Variants in ITIH5 observed in about 807,000 individuals in gnomAD.
ITIH5 encodes inter-alpha-trypsin inhibitor heavy chain 5.
ITIH5 carries 65 observed loss-of-function variants against 77.5 expected under a neutral mutation model. The ratio of observed to expected loss-of-function variants is 0.84; its 90% CI spans 0.69 to 1.03. The LOEUF is 1.03. ITIH5 is among the 50% of genes least tolerant of loss of function. The probability of loss-of-function intolerance (pLI) is 0.00; values close to 1 mark genes in which losing one functional copy is unlikely to be tolerated. For synonymous variants in ITIH5, 525 were observed against 494.3 expected, an observed-to-expected ratio of 1.06 and a Z score of -0.82; for missense variants, 1,208 against 1,213.1, an observed-to-expected ratio of 1.00 and a Z score of 0.06.
At position 7,575,902 on chromosome 10, in the gene ITIH5, A is replaced by T. The variant is rs537446374; in HGVS notation, c.1978+551T>A. Among the ~76,000 whole-genome samples the T allele has an allele frequency of 2.0e-5, 3 of 152,298 alleles. No homozygotes were observed. In the East Asian group the frequency reaches 5.8e-4, roughly 29 times the overall value. Reference sequence around the variant, plus strand: ...TGATGGACTGACTTCACTAGGTGACATTTCTGAACCAAATGCCACCTTTTT... The same window carrying T: ...TGATGGACTGACTTCACTAGGTGACTTTTCTGAACCAAATGCCACCTTTTT... On this transcript the variant is annotated intron_variant, in intron 10 of 13. Coordinates refer to ENST00000397146, the MANE Select transcript of ITIH5 (RefSeq NM_030569.7).
chr10:7,644,329 CAT>C (rs1353342140), intron 2 of ITIH5, among the ~76,000 whole-genome samples: 1 of 147,292 alleles, frequency 6.8e-6, no homozygotes, highest in Non-Finnish European at 1.5e-5. Context: ...ATACATATCA[CAT>C]ATATATCACA....
chr10:7,644,741 C>G (rs1259675083), intron 2 of ITIH5, among the ~76,000 whole-genome samples: 10 of 111,078 alleles, frequency 9.0e-5, no homozygotes, highest in Admixed American at 3.5e-4. Flanking sequence ...ATCTATATCA[C>G]ATATATATCA....
chr10:7,652,705 A>C (rs1834121099), intron 2 of ITIH5, among the ~76,000 whole-genome samples: 1 of 152,178 alleles, frequency 6.6e-6, no homozygotes, highest in African/African-American at 2.4e-5. Context: ...GGAAAACATA[A>C]ACTACTTATT....
chr10:7,596,942 G>T (rs1832910976), intron 7 of ITIH5, among the ~76,000 whole-genome samples: 1 of 149,290 alleles, frequency 6.7e-6, no homozygotes, highest in Non-Finnish European at 1.5e-5. Flanking sequence ...AGCTACTCGG[G>T]AGGTGAGGCG....
At chr10:7,592,675 T>C (rs1832816275) in intron 7 of ITIH5, among the ~76,000 whole-genome samples, 1 of 152,202 alleles carries the variant, frequency 6.6e-6, no homozygotes, top group Non-Finnish European at 1.5e-5. Flanking sequence ...GCTGCAGTGA[T>C]GATCAATAAC....
intron 7 of ITIH5, among the ~76,000 whole-genome samples, chr10:7,605,082 A>G (rs1462612996): frequency 2.0e-5 from 3 of 151,854 alleles, no homozygotes; most frequent in East Asian, 3.9e-4. Context: ...TTGGCCTCCC[A>G]AAGTGCTGGG....
At chr10:7,572,608 G>C (rs892190398) in intron 11 of ITIH5, among the ~76,000 whole-genome samples, 1 of 151,934 alleles carries the variant, frequency 6.6e-6, no homozygotes, top group Middle Eastern at 3.2e-3. Flanking sequence ...CAGCCTCATC[G>C]GGTTTCCTGC....
In ITIH5 at chr10:7,576,967, G is replaced by C; in HGVS notation, c.1464C>G (p.Ile488Met). 6.2e-7 allele frequency: 1 copy of C among 1,613,908 alleles called. No homozygotes were observed. Among genetic ancestry groups the C allele is most frequent in the Non-Finnish European group, 8.5e-7 (1 of 1,179,870 alleles). ...GCACCACTGAGCTGGGGGGATAATC[G>C]ATGCGGATGTCAGAGAGGAGCGGGG... ...IRTPLLSDIR[I>M]DYPPSSVVQA... Residue 488 changes from isoleucine (I) to methionine (M), a missense_variant, in exon 10 of 14, where the codon ATC becomes ATG. Transcript: ENST00000397146.
intron 5 of ITIH5, among the ~76,000 whole-genome samples, chr10:7,629,489 T>G (rs938873117): frequency 6.6e-6 from 1 of 151,428 alleles, no homozygotes; most frequent in Non-Finnish European, 1.5e-5. Flanking sequence ...GTGTCCATGT[T>G]GTAGCGTGTG....
At chr10:7,654,400 G>A (rs1834147799) in intron 2 of ITIH5, among the ~76,000 whole-genome samples, 1 of 152,172 alleles carries the variant, frequency 6.6e-6, no homozygotes, top group South Asian at 2.1e-4. Context: ...TGCCTTTGCT[G>A]GGAATTACCT....
At chr10:7,658,307 C>A (rs959093194) in intron 1 of ITIH5, among the ~76,000 whole-genome samples, 2 of 152,016 alleles carry the variant, frequency 1.3e-5, no homozygotes, top group African/African-American at 2.4e-5. Flanking sequence ...ATCTCCCCAC[C>A]CAAAATATAT....
intron 10 of ITIH5, among the ~76,000 whole-genome samples, chr10:7,574,237 A>C (rs1295066320): frequency 6.6e-6 from 1 of 152,182 alleles, no homozygotes; most frequent in Non-Finnish European, 1.5e-5. Flanking sequence ...TACTAGGTAA[A>C]ATTGTGCTCC....
chr10:7,612,445 G>A (rs1460745947), intron 7 of ITIH5, among the ~76,000 whole-genome samples: 1 of 152,134 alleles, frequency 6.6e-6, no homozygotes, highest in Non-Finnish European at 1.5e-5. Flanking sequence ...CTAGTGAACA[G>A]TGTTGCTCTA....
At position 7,585,947 on chromosome 10, in the gene ITIH5, G is replaced by A. The variant is rs147313445; in HGVS notation, c.1062C>T (p.Ser354=). ...GAATGTACACTTTCCCATCCCTGATGCTGTCTGGAGTGACTGATATCAAGT... is the reference window on the plus strand; with the variant it reads ...GAATGTACACTTTCCCATCCCTGATACTGTCTGGAGTGACTGATATCAAGT... The part of the protein sequence containing the change: ...KDHLISVTPD[S]IRDGKVYIHH... The change falls in exon 8 of 14, where the codon AGC becomes AGT. Residue 354 remains serine (S), a synonymous_variant. Transcript: ENST00000397146. 1.9e-6 allele frequency: 3 copies of A among 1,613,774 alleles called. No homozygotes were observed. Among genetic ancestry groups the A allele is most frequent in the Non-Finnish European group, 2.5e-6 (3 of 1,179,942 alleles).
chr10:7,595,824 T>C (rs570679603), intron 7 of ITIH5, among the ~76,000 whole-genome samples: 1 of 152,154 alleles, frequency 6.6e-6, no homozygotes, highest in South Asian at 2.1e-4. Flanking sequence ...CGGGCTAACA[T>C]GGTGAAACCC....
intron 2 of ITIH5, among the ~76,000 whole-genome samples, chr10:7,644,326 TCA>T (rs1280929900): frequency 8.1e-5 from 12 of 147,760 alleles, no homozygotes; most frequent in African/African-American, 3.0e-4. Flanking sequence ...ATCATACATA[TCA>T]CATATATATC....
At chr10:7,596,425 A>G (rs1235933638) in intron 7 of ITIH5, among the ~76,000 whole-genome samples, 3 of 152,210 alleles carry the variant, frequency 2.0e-5, no homozygotes, top group African/African-American at 4.8e-5. Context: ...TCCCACTTCC[A>G]TCGGGTACCC....
intron 1 of ITIH5, among the ~76,000 whole-genome samples, 179 bp downstream of exon 1, chr10:7,666,624 T>G (rs1431054715): frequency 6.6e-6 from 1 of 151,916 alleles, no homozygotes; most frequent in Non-Finnish European, 1.5e-5. Context: ...TCAGGCCAGA[T>G]CAGGCACCGC....
intron 1 of ITIH5, among the ~76,000 whole-genome samples, chr10:7,656,878 GGATTAC>G (rs1186171417): frequency 9.1e-4 from 138 of 151,248 alleles, no homozygotes; most frequent in Non-Finnish European, 1.5e-3. Flanking sequence ...GGAGTAGCTG[GGATTAC>G]AGGTGCCTGC....
Sources: allele counts gnomAD v4.1 joint callset (sites outside exome capture counted in the v4.1 genomes callset), GRCh38; gene constraint gnomAD v4.1.1; transcripts MANE v1.5; gene names NCBI Gene and HGNC (gene_info 2026-07-23, HGNC 2026-07-21).